ADGRV1: variants seen among roughly 807,000 people sequenced by gnomAD.
ADGRV1 encodes the protein adhesion G protein-coupled receptor V1.
Under a neutral mutation model 596.2 loss-of-function variants are expected in ADGRV1, and 359 were observed. The observed-to-expected ratio is 0.60, with a 90% CI of 0.55 to 0.66. The LOEUF is 0.66. Ranked by LOEUF, ADGRV1 falls within the 30% of genes least tolerant of loss-of-function variation. The pLI, the probability that ADGRV1 is intolerant of heterozygous loss-of-function variation, is 0.00. For missense variants in ADGRV1, 7,274 were observed against 7,575.6 expected (o/e 0.96, Z 1.48); for synonymous variants, 2,681 against 2,679.2 (o/e 1.00, Z -0.02).
chr5:91,031,771 CT>C (rs1278476779), intron 85 of ADGRV1, among the ~76,000 whole-genome samples: 1 of 152,114 alleles, frequency 6.6e-6, no homozygotes, highest in African/African-American at 2.4e-5. Context: ...TCTTTAAACA[CT>C]TATATTTCAT....
chr5:91,078,653 C>T (rs536445036), intron 86 of ADGRV1, among the ~76,000 whole-genome samples: 5 of 152,340 alleles, frequency 3.3e-5, no homozygotes, highest in East Asian at 3.9e-4. Context: ...AGAAACCCCA[C>T]GCTGGCCATG....
chr5:90,999,114 CTTCTT>C (rs1016690872), intron 85 of ADGRV1, among the ~76,000 whole-genome samples: 1 of 151,536 alleles, frequency 6.6e-6, no homozygotes, highest in African/African-American at 2.4e-5. Flanking sequence ...TTCTTGTTTC[CTTCTT>C]TTCTTTTGGA....
At chr5:91,004,201 A>T (rs1345239308) in intron 85 of ADGRV1, among the ~76,000 whole-genome samples, 2 of 152,208 alleles carry the variant, frequency 1.3e-5, no homozygotes, top group African/African-American at 4.8e-5. Context: ...AAAAGCATCT[A>T]GGTGTTCTAA....
chr5:91,046,197 C>G (rs1489435059), intron 85 of ADGRV1, among the ~76,000 whole-genome samples: 2 of 152,026 alleles, frequency 1.3e-5, no homozygotes, highest in Non-Finnish European at 2.9e-5. Flanking sequence ...CAAAAAAGAG[C>G]CTGCAGAGCC....
intron 18 of ADGRV1, 68 bp downstream of exon 18, chr5:90,651,798 G>A: frequency 9.9e-7 from 1 of 1,005,898 alleles, no homozygotes; most frequent in South Asian, 2.0e-5. Context: ...GTGAAATTCT[G>A]AAATATTCCT....
Position 90,659,755 on chromosome 5 carries a change from G to A in ADGRV1, c.4752+1477G>A, listed in dbSNP as rs552106610. 1.3e-4 allele frequency among the ~76,000 whole-genome samples: 20 copies of A among 152,286 alleles called. No homozygotes were observed. In the South Asian group the frequency reaches 1.5e-3, roughly 11 times the overall value. On this transcript the variant is annotated intron_variant, in intron 21 of 89. Transcript: ENST00000405460. ...CCAAAGTAAAAGATAGAAACAGGCC[G>A]GGCGCGGTGGCTCACGCCTGTAATC...
chr5:90,768,349 T>A (rs1757354562), intron 59 of ADGRV1, among the ~76,000 whole-genome samples: 1 of 152,154 alleles, frequency 6.6e-6, no homozygotes, highest in Admixed American at 6.5e-5. Context: ...GATCTATGTC[T>A]CCCACGGGTT....
chr5:90,966,530 CAAAAAAA>C (rs67304974), intron 84 of ADGRV1, among the ~76,000 whole-genome samples: 17 of 100,716 alleles, frequency 1.7e-4, no homozygotes, highest in South Asian at 1.5e-3. Flanking sequence ...GAAACTCTGC[CAAAAAAA>C]AAAAAAAAAA....
chr5:90,976,216 G>GTACA (rs1779563756), intron 84 of ADGRV1, among the ~76,000 whole-genome samples: 3 of 139,474 alleles, frequency 2.2e-5, no homozygotes, highest in African/African-American at 8.2e-5. Context: ...GTGTGAGTGT[G>GTACA]TATATATATA....
rs763670293 is a variant in ADGRV1 at position 90,728,720 on chromosome 5, C to T, written c.10213C>T (p.Arg3405Ter). The change falls in exon 49 of 90, where the codon CGA becomes TGA. Residue 3405 changes from arginine to a stop codon, truncating the protein, a stop_gained. Coordinates refer to ENST00000405460, the MANE Select transcript of ADGRV1 (RefSeq NM_032119.4). LOFTEE classifies it high-confidence loss of function. The part of the protein sequence containing the change: ...SFVLHQKLPV[R>*]GVLTVALFNK... Reference sequence around the variant, plus strand: ...CGTGTTGCATCAAAAACTCCCTGTCCGAGGTGTGCTGACCGTGGCCTTGTT... The same window carrying T: ...CGTGTTGCATCAAAAACTCCCTGTCTGAGGTGTGCTGACCGTGGCCTTGTT... The T allele has an allele frequency of 3.1e-6, 5 of 1,613,608 alleles. No individual in the cohort carries two copies. The highest frequency in any genetic ancestry group is 1.1e-5 in the South Asian group (1 of 91,036).
chr5:90,745,012 C>G (rs917395485), intron 50 of ADGRV1, 34 bp from the exon 51 acceptor site: 2 of 1,494,658 alleles, frequency 1.3e-6, no homozygotes, highest in Admixed American at 3.4e-5. Context: ...CAGTTTATAT[C>G]TCACTCAAGT....
At chr5:90,946,157 G>C (rs1023016979) in intron 83 of ADGRV1, among the ~76,000 whole-genome samples, 1 of 151,958 alleles carries the variant, frequency 6.6e-6, no homozygotes, top group African/African-American at 2.4e-5. Context: ...GGAAGAGCAC[G>C]TGCAAAGAAT....
intron 87 of ADGRV1, among the ~76,000 whole-genome samples, chr5:91,132,474 C>A (rs1794297844): frequency 6.6e-6 from 1 of 152,096 alleles, no homozygotes; most frequent in Non-Finnish European, 1.5e-5. Context: ...AATGGAGAAC[C>A]AAACAGGAAT....
intron 50 of ADGRV1, among the ~76,000 whole-genome samples, chr5:90,740,392 T>G (rs184429998): frequency 1.3e-5 from 2 of 152,310 alleles, no homozygotes; most frequent in East Asian, 3.9e-4. Context: ...TTGGTTGGGT[T>G]GCAGCTCAAT....
chr5:90,850,517 A>C (rs80271632), intron 79 of ADGRV1, among the ~76,000 whole-genome samples: 3,005 of 152,304 alleles, frequency 0.02, 63 homozygotes, highest in Non-Finnish European at 0.025. Context: ...GTTTGCACTA[A>C]GTGAGGCCAC....
intron 87 of ADGRV1, among the ~76,000 whole-genome samples, chr5:91,115,404 T>G (rs1253030002): frequency 6.6e-6 from 1 of 152,226 alleles, no homozygotes; most frequent in Non-Finnish European, 1.5e-5. Context: ...AGTGGATACC[T>G]TTTAAGGCAT....
rs372262361 is a variant in ADGRV1 at position 90,647,608 on chromosome 5, G to C, written c.3133G>C (p.Ala1045Pro). ...CCAGTATGCTACCAAGGATGGGAAG[G>C]CTACTGCAAGAGAGAGAGATTTCAT... Reference protein sequence around the residue: ...MVQYATKDGKATARERDFIPV... With the variant: ...MVQYATKDGKPTARERDFIPV... Residue 1045 changes from alanine (A) to proline (P), a missense_variant, in exon 17 of 90, where the codon GCT becomes CCT. Transcript: ENST00000405460. 3.3e-5 allele frequency: 53 copies of C among 1,613,842 alleles called. No individual in the cohort carries two copies. The highest frequency in any genetic ancestry group is 4.2e-5 in the Non-Finnish European group (49 of 1,179,886).
chr5:90,753,855 G>A, intron 54 of ADGRV1, 26 bp downstream of exon 54: 6 of 1,533,930 alleles, frequency 3.9e-6, no homozygotes, highest in Non-Finnish European at 5.3e-6. Flanking sequence ...TATCTTTCAA[G>A]TTTTAATGAG....
intron 88 of ADGRV1, among the ~76,000 whole-genome samples, chr5:91,150,850 T>C (rs147531905): frequency 1.3e-5 from 2 of 152,320 alleles, no homozygotes; most frequent in African/African-American, 4.8e-5. Flanking sequence ...TTATTTCCTG[T>C]GTGTGAATCC....
Sources: allele counts gnomAD v4.1 joint callset (sites outside exome capture counted in the v4.1 genomes callset), GRCh38; gene constraint gnomAD v4.1.1; transcripts MANE v1.5; gene names NCBI Gene and HGNC (gene_info 2026-07-23, HGNC 2026-07-21).